Variants in EYA3 observed in about 807,000 individuals in gnomAD.
The protein encoded by EYA3 is protein phosphatase EYA3.
EYA3 carries 39 observed loss-of-function variants against 80.0 expected under a neutral mutation model. That is an observed-to-expected ratio of 0.49 (90% CI 0.38 to 0.64). The LOEUF (loss-of-function observed/expected upper bound fraction) is 0.64, where lower values mean the gene tolerates loss of function less well. Among genes scored for constraint, EYA3 ranks in the 30% least tolerant of loss-of-function variants. The probability of loss-of-function intolerance (pLI) is 0.00; values close to 1 mark genes in which losing one functional copy is unlikely to be tolerated. For synonymous variants in EYA3, 206 were observed against 232.8 expected (o/e 0.88, Z 1.05); for missense variants, 523 against 676.1 (o/e 0.77, Z 2.51).
In EYA3 at chr1:28,061,014, AAAAAG is replaced by A. The variant is rs1447451103; in HGVS notation, c.-68-2925_-68-2921del. On this transcript the variant is annotated intron_variant, in intron 1 of 17. Transcript: ENST00000373871. ...GGTGACAGAGTGAGACTCTGTCTCAAAAAAGAAAAGAAAAGAAAAGTTTAAAAACC... is the reference window on the plus strand; with the variant it reads ...GGTGACAGAGTGAGACTCTGTCTCAAAAAAGAAAAGAAAAGTTTAAAAACC... Among the ~76,000 whole-genome samples, 23 of 152,342 alleles carry A rather than the reference AAAAAG, an allele frequency of 1.5e-4. No individual in the cohort carries two copies. In the East Asian group the frequency reaches 2.7e-3, roughly 18 times the overall value.
chr1:28,068,467 A>G (rs1375430788), intron 1 of EYA3, among the ~76,000 whole-genome samples: 1 of 152,072 alleles, frequency 6.6e-6, no homozygotes, highest in Non-Finnish European at 1.5e-5. Flanking sequence ...ACGTTTTTAA[A>G]TATTTTAAAT....
intron 16 of EYA3, 24 bp downstream of exon 16, chr1:27,988,511 C>T (rs1193995176): frequency 1.9e-6 from 3 of 1,606,756 alleles, no homozygotes; most frequent in African/African-American, 1.3e-5. Flanking sequence ...AGGCCAGTGA[C>T]AAGAAACAGC....
At chr1:27,992,449 T>TA (rs1553139970) in intron 14 of EYA3, among the ~76,000 whole-genome samples, 2 of 152,134 alleles carry the variant, frequency 1.3e-5, no homozygotes, top group African/African-American at 2.4e-5. Flanking sequence ...CAGGCAGTAA[T>TA]ACTCACTTGC....
intron 1 of EYA3, among the ~76,000 whole-genome samples, chr1:28,085,333 T>C (rs548374042): frequency 8.5e-5 from 13 of 152,214 alleles, no homozygotes; most frequent in African/African-American, 3.1e-4. Flanking sequence ...GAACCTGTAG[T>C]CCCAGCTATT....
intron 6 of EYA3, among the ~76,000 whole-genome samples, chr1:28,034,019 C>A (rs1414522805): frequency 1.3e-5 from 2 of 151,780 alleles, no homozygotes; most frequent in East Asian, 2.0e-4. Context: ...AATGGTGAAA[C>A]CCTGTCTCTA....
rs1232972198 is a variant in EYA3, at chr1:28,009,470, T to C, written c.909+1477A>G. Reference sequence around the variant, plus strand: ...TTTAAGAACAGACTGACCAACATGTTGAAACCCTGTCTCTACTAAAAATAC... The same window carrying C: ...TTTAAGAACAGACTGACCAACATGTCGAAACCCTGTCTCTACTAAAAATAC... On this transcript the variant is annotated intron_variant, in intron 10 of 17. Transcript: ENST00000373871. This position sits in a 1 kb window ranked among gnomAD's most constrained non-coding sequence, Gnocchi z 4.8. 6.6e-6 allele frequency among the ~76,000 whole-genome samples: 1 copy of C among 152,048 alleles called. No homozygotes were observed. Among genetic ancestry groups the C allele is most frequent in the Non-Finnish European group, 1.5e-5 (1 of 68,014 alleles).
At chr1:28,072,056 GA>G (rs937651259) in intron 1 of EYA3, among the ~76,000 whole-genome samples, 3 of 152,030 alleles carry the variant, frequency 2.0e-5, no homozygotes, top group African/African-American at 4.8e-5. Flanking sequence ...CAAACTTTAA[GA>G]ATCTCCTCTG....
At chr1:28,025,780 G>A (rs1017041559) in intron 7 of EYA3, among the ~76,000 whole-genome samples, 4 of 151,948 alleles carry the variant, frequency 2.6e-5, no homozygotes, top group African/African-American at 9.7e-5. Context: ...ATTTTTTTGA[G>A]ACAGAGTCTC....
chr1:27,988,080 G>A (rs1379112441), intron 16 of EYA3, among the ~76,000 whole-genome samples: 1 of 152,060 alleles, frequency 6.6e-6, no homozygotes, highest in Non-Finnish European at 1.5e-5. Flanking sequence ...ATGTGGCTCA[G>A]GCTGGTGTTG....
intron 5 of EYA3, 52 bp downstream of exon 5, chr1:28,038,787 A>G: frequency 9.6e-7 from 1 of 1,036,726 alleles, no homozygotes. Context: ...TAAATTTTGC[A>G]ATGAATCTAC....
At chr1:28,041,526 C>T (rs1643778048) in intron 4 of EYA3, among the ~76,000 whole-genome samples, 2 of 151,420 alleles carry the variant, frequency 1.3e-5, no homozygotes, top group African/African-American at 4.9e-5. Flanking sequence ...GCACTCCAAC[C>T]TGGGCAACAA....
chr1:28,082,928 G>T (rs1033158184), intron 1 of EYA3, among the ~76,000 whole-genome samples: 1 of 152,068 alleles, frequency 6.6e-6, no homozygotes, highest in Non-Finnish European at 1.5e-5. Flanking sequence ...GAGAAACATC[G>T]GTAGTAAAAG....
At chr1:28,004,234 C>A in intron 11 of EYA3, 102 bp downstream of exon 11, 1 of 771,296 alleles carries the variant, frequency 1.3e-6, no homozygotes, top group Non-Finnish European at 2.0e-6. Context: ...AGTGAAAAGC[C>A]AGCCAACAGG....
intron 1 of EYA3, among the ~76,000 whole-genome samples, chr1:28,061,094 C>A (rs1460941921): frequency 6.6e-6 from 1 of 152,134 alleles, no homozygotes; most frequent in Non-Finnish European, 1.5e-5. Context: ...TAATTTTGAT[C>A]ATTTTAAAAC....
Position 28,035,531 on chromosome 1 carries a change from T to C in EYA3, c.361+13A>G, listed in dbSNP as rs769079234. ...CAACATTCTTAGAAATTGTTTACAATACAGTGCCTTACCAAAAGGAGGTAG... is the reference window on the plus strand; with the variant it reads ...CAACATTCTTAGAAATTGTTTACAACACAGTGCCTTACCAAAAGGAGGTAG... On this transcript the variant is annotated intron_variant, in intron 6 of 17. Coordinates refer to ENST00000373871, the MANE Select transcript of EYA3 (RefSeq NM_001990.4). 15 of 1,611,178 alleles carry C rather than the reference T, an allele frequency of 9.3e-6. No individual in the cohort carries two copies. The highest frequency in any genetic ancestry group is 1.1e-5 in the Non-Finnish European group (13 of 1,179,154).
At chr1:28,030,514 T>C (rs183242921) in intron 6 of EYA3, among the ~76,000 whole-genome samples, 27 of 152,304 alleles carry the variant, frequency 1.8e-4, no homozygotes, top group African/African-American at 6.3e-4. Flanking sequence ...TTCAAACTCC[T>C]AGCCTTAAAT....
At chr1:27,979,296 C>A (rs1639150343) in intron 16 of EYA3, among the ~76,000 whole-genome samples, 1 of 152,230 alleles carries the variant, frequency 6.6e-6, no homozygotes. Flanking sequence ...CAGAAACAGT[C>A]CTGGGTATAG....
intron 7 of EYA3, among the ~76,000 whole-genome samples, chr1:28,019,281 G>A (rs984773176): frequency 7.9e-5 from 12 of 152,112 alleles, no homozygotes; most frequent in Non-Finnish European, 1.6e-4. Flanking sequence ...GACTCTTAAG[G>A]GCTTACTTTC....
Position 28,022,215 on chromosome 1 carries a change from C to G in EYA3, c.500-4976G>C, listed in dbSNP as rs142921625. 8.2e-3 allele frequency among the ~76,000 whole-genome samples: 1,242 copies of G among 152,260 alleles called. 13 individuals are homozygous for G. Among genetic ancestry groups the G allele is most frequent in the Non-Finnish European group, 0.012 (813 of 68,002 alleles). On this transcript the variant is annotated intron_variant, in intron 7 of 17. Transcript: ENST00000373871. ...CCAGGCTGGAGTGCAGTGGCGCGAT[C>G]TCGACTCACTGCAAGCTCCGCCTCC... is the stretch of plus-strand genomic sequence containing the variant.
Sources: allele counts gnomAD v4.1 joint callset (sites outside exome capture counted in the v4.1 genomes callset), GRCh38; gene constraint gnomAD v4.1.1; non-coding constraint Gnocchi (gnomAD v3.1); transcripts MANE v1.5; gene names NCBI Gene and HGNC (gene_info 2026-07-23, HGNC 2026-07-21).